ECT2: variants seen among roughly 807,000 people sequenced by gnomAD.
The protein encoded by ECT2 is protein ECT2.
Under a neutral mutation model 116.9 loss-of-function variants are expected in ECT2, and 61 were observed. That is an observed-to-expected ratio of 0.52 (90% confidence interval 0.42 to 0.65). The LOEUF (loss-of-function observed/expected upper bound fraction) is 0.65. ECT2 is among the 30% of genes least tolerant of loss of function. The probability of loss-of-function intolerance (pLI) is 0.00; values close to 1 mark genes in which losing one functional copy is unlikely to be tolerated. For synonymous variants in ECT2, 358 were observed against 346.4 expected (o/e 1.03, Z -0.37); for missense variants, 937 against 1,078.7 (o/e 0.87, Z 1.84).
At chr3:172,756,720 G>A (rs892793008) in intron 4 of ECT2, among the ~76,000 whole-genome samples, 4 of 152,028 alleles carry the variant, frequency 2.6e-5, no homozygotes, top group African/African-American at 9.7e-5. Context: ...TAATAAGTCA[G>A]AATTATGCCT....
Position 172,769,163 on chromosome 3 carries a change from A to T in ECT2, c.1428+20A>T, listed in dbSNP as rs780218202. On this transcript the variant is annotated intron_variant, in intron 13 of 24. Transcript: ENST00000392692. ...ATTCAGGTAAGTATGAGTTTGATTG[A>T]AAAATGATTTCTGTTCCAGTGTTCC... is the stretch of plus-strand genomic sequence containing the variant. The T allele has an allele frequency of 6.3e-7, 1 of 1,586,102 alleles. No individual in the cohort carries two copies. Among genetic ancestry groups the T allele is most frequent in the Non-Finnish European group, 8.6e-7 (1 of 1,163,152 alleles).
chr3:172,785,651 A>T (rs1241638498), intron 17 of ECT2, among the ~76,000 whole-genome samples: 1 of 152,142 alleles, frequency 6.6e-6, no homozygotes, highest in African/African-American at 2.4e-5. Context: ...TTAATCTGTT[A>T]TTTTCTGTAA....
At chr3:172,776,873 GTT>G (rs34685201) in intron 14 of ECT2, among the ~76,000 whole-genome samples, 1 of 144,002 alleles carries the variant, frequency 6.9e-6, no homozygotes, top group Non-Finnish European at 1.5e-5. Context: ...AAACGGGTTT[GTT>G]TTTTTTTTTT....
intron 14 of ECT2, among the ~76,000 whole-genome samples, chr3:172,778,950 G>A (rs1439300199): frequency 2.6e-5 from 4 of 152,168 alleles, no homozygotes; most frequent in African/African-American, 9.7e-5. Flanking sequence ...ACCAGAAACA[G>A]AGCAGACTAT....
At chr3:172,810,602 G>C (rs1156849857) in intron 22 of ECT2, among the ~76,000 whole-genome samples, 1 of 152,070 alleles carries the variant, frequency 6.6e-6, no homozygotes, top group Non-Finnish European at 1.5e-5. Context: ...CTAAGTTATA[G>C]AGTTTGAGGA....
At chr3:172,798,056 G>T (rs1726054462) in intron 18 of ECT2, among the ~76,000 whole-genome samples, 2 of 152,120 alleles carry the variant, frequency 1.3e-5, no homozygotes, top group South Asian at 4.1e-4. Flanking sequence ...AGATTTTTGA[G>T]GTGAACCCCT....
intron 1 of ECT2, among the ~76,000 whole-genome samples, chr3:172,751,939 A>G (rs1715941920): frequency 6.6e-6 from 1 of 152,134 alleles, no homozygotes; most frequent in South Asian, 2.1e-4. Flanking sequence ...CTTTTTCTCT[A>G]TACATTTTGA....
intron 21 of ECT2, chr3:172,806,085 A>G (rs771657575): frequency 4.5e-6 from 2 of 443,632 alleles, no homozygotes; most frequent in Admixed American, 3.5e-5. Flanking sequence ...ATCTCAACCT[A>G]TAGGATACCC....
At chr3:172,776,235 G>A (rs1391619036) in intron 14 of ECT2, among the ~76,000 whole-genome samples, 11 of 138,894 alleles carry the variant, frequency 7.9e-5, no homozygotes, top group African/African-American at 2.7e-4. Context: ...ATCTAGGCTG[G>A]AGTGCAGTGG....
intron 18 of ECT2, among the ~76,000 whole-genome samples, chr3:172,791,305 C>G (rs893961447): frequency 3.3e-5 from 5 of 152,186 alleles, no homozygotes; most frequent in Non-Finnish European, 7.3e-5. Flanking sequence ...CATAGTCAGT[C>G]ACCAGCTGCA....
chr3:172,767,056 A>G (rs181536332), intron 12 of ECT2, among the ~76,000 whole-genome samples: 99 of 152,326 alleles, frequency 6.5e-4, no homozygotes, highest in Middle Eastern at 6.8e-3. Flanking sequence ...ACTGAAGTAT[A>G]TTCTGTAATG....
At chr3:172,807,657 A>T in intron 21 of ECT2, 113 bp from the exon 22 acceptor site, 1 of 1,199,950 alleles carries the variant, frequency 8.3e-7, no homozygotes, top group Non-Finnish European at 1.2e-6. Flanking sequence ...GAAAGTGGAG[A>T]AGTGATAGTT....
intron 5 of ECT2, among the ~76,000 whole-genome samples, chr3:172,758,485 A>ACACACT (rs55905795): frequency 6.7e-6 from 1 of 148,464 alleles, no homozygotes; most frequent in Non-Finnish European, 1.5e-5. Context: ...ACACACACAC[A>ACACACT]GACACACACA....
rs1229703071 is a variant in ECT2, at chr3:172,782,183, A to G, written c.1569A>G (p.Ile523Met). 2 of 1,580,976 alleles carry G rather than the reference A, an allele frequency of 1.3e-6. No individual in the cohort carries two copies. The highest frequency in any genetic ancestry group is 1.7e-4 in the Middle Eastern group (1 of 5,980). ...TKIKDDLEDLIVNWDESKSIG... is the reference protein window; with the variant it reads ...TKIKDDLEDLMVNWDESKSIG... The stretch of plus-strand genomic sequence containing the variant: ...TTCAGGATGATCTTGAAGACCTTAT[A>G]GTTAATTGGGATGAGAGCAAAAGCA... The change falls in exon 15 of 25, where the codon ATA becomes ATG. Residue 523 changes from isoleucine to methionine, a missense_variant. Coordinates refer to ENST00000392692, the MANE Select transcript of ECT2 (RefSeq NM_001258315.2).
chr3:172,828,969 A>G, the ECT2 span: 6 of 1,301,438 alleles, frequency 4.6e-6, no homozygotes, highest in African/African-American at 1.5e-5. Context: ...GCACCAATAA[A>G]TTGGTTGCTG....
chr3:172,805,842 A>G lies in ECT2; in HGVS notation c.2218A>G (p.Lys740Glu). The G allele has an allele frequency of 6.2e-7, 1 of 1,613,730 alleles. No individual in the cohort carries two copies. The highest frequency in any genetic ancestry group is 8.5e-7 in the Non-Finnish European group (1 of 1,179,772). Reference protein sequence around the residue: ...IHLMPLSQIKKVLDIRETEDC... With the variant: ...IHLMPLSQIKEVLDIRETEDC... Reference sequence around the variant, plus strand: ...CCTAATGCCTCTTTCTCAGATTAAGAAGGTATTGGACATAAGAGAGACAGA... The same window carrying G: ...CCTAATGCCTCTTTCTCAGATTAAGGAGGTATTGGACATAAGAGAGACAGA... The change falls in exon 21 of 25, where the codon AAG (lysine) becomes GAG (glutamate). Residue 740 changes from lysine (K) to glutamate (E), a missense_variant. Lys to Glu is a moderately conservative substitution (Grantham distance 56). Transcript: ENST00000392692.
rs1380397224 is a variant in ECT2, at chr3:172,805,875, C to A, written c.2245+6C>A. On this transcript the variant is annotated splice_donor_region_variant and intron_variant, in intron 21 of 24. Transcript: ENST00000392692. ...GGACATAAGAGAGACAGAAGGTATG[C>A]CGGTCGGATACATTCTTGGTTATAT... is the stretch of plus-strand genomic sequence containing the variant. 8.7e-6 allele frequency: 14 copies of A among 1,611,086 alleles called. No individual in the cohort carries two copies. The highest frequency in any genetic ancestry group is 2.7e-5 in the African/African-American group (2 of 74,802).
At chr3:172,769,884 C>A (rs1206363162) in intron 13 of ECT2, among the ~76,000 whole-genome samples, 1 of 151,928 alleles carries the variant, frequency 6.6e-6, no homozygotes, top group Non-Finnish European at 1.5e-5. Context: ...TTGGTAACAC[C>A]AAGCTTATCT....
chr3:172,800,818 A>G (rs1726574836), intron 18 of ECT2, among the ~76,000 whole-genome samples: 1 of 152,150 alleles, frequency 6.6e-6, no homozygotes, highest in South Asian at 2.1e-4. Flanking sequence ...GCCGCCTTAT[A>G]TATCACATAC....
Sources: allele counts gnomAD v4.1 joint callset (sites outside exome capture counted in the v4.1 genomes callset), GRCh38; gene constraint gnomAD v4.1.1; transcripts MANE v1.5; gene names NCBI Gene and HGNC (gene_info 2026-07-23, HGNC 2026-07-21).